Variants in SLC35F4 observed in about 807,000 individuals in gnomAD.
SLC35F4 encodes chromosome 14 open reading frame 36.
In SLC35F4, 24 loss-of-function variants were observed where a neutral mutation model predicts 44.2. That is an observed-to-expected ratio of 0.54 (90% CI 0.39 to 0.76). SLC35F4 has a LOEUF of 0.76. SLC35F4 is among the 30% of genes least tolerant of loss of function. The probability of loss-of-function intolerance (pLI) is 0.00; values close to 1 mark genes in which losing one functional copy is unlikely to be tolerated. For synonymous variants in SLC35F4, 238 were observed against 223.6 expected, an observed-to-expected ratio of 1.06 and a Z score of -0.57; for missense variants, 562 against 586.1, an observed-to-expected ratio of 0.96 and a Z score of 0.42.
rs146733379 is a variant in SLC35F4 at position 57,813,737 on chromosome 14, G to A, written c.103+51986C>T. Among the ~76,000 whole-genome samples the A allele has an allele frequency of 1.1e-4, 16 of 152,284 alleles. No homozygotes were observed. In the East Asian group the frequency reaches 2.9e-3, roughly 28 times the overall value. On this transcript the variant is annotated intron_variant, in intron 1 of 7. Transcript: ENST00000556826. ...CAAGTTGCACAGCATCAGTGGGTTT[G>A]ACAGAGCAGGACAGTCCAGAACAAT...
chr14:57,682,638 G>A (rs1170714830), intron 1 of SLC35F4, among the ~76,000 whole-genome samples: 3 of 148,400 alleles, frequency 2.0e-5, no homozygotes, highest in Non-Finnish European at 3.0e-5. Context: ...AAAGTATAAT[G>A]AAAAAAAAAA....
intron 1 of SLC35F4, among the ~76,000 whole-genome samples, chr14:57,929,643 G>T (rs1889654266): frequency 6.6e-6 from 1 of 152,088 alleles, no homozygotes; most frequent in African/African-American, 2.4e-5. Context: ...CTTAACCACG[G>T]TCATTACCAG....
At chr14:57,704,300 C>T (rs985997252) in intron 1 of SLC35F4, among the ~76,000 whole-genome samples, 8 of 152,122 alleles carry the variant, frequency 5.3e-5, no homozygotes, top group Non-Finnish European at 1.2e-4. Context: ...AGTTGGAAAG[C>T]TGGGGTTCTG....
chr14:57,575,462 C>T (rs894868263), intron 4 of SLC35F4, among the ~76,000 whole-genome samples: 1 of 151,800 alleles, frequency 6.6e-6, no homozygotes, highest in East Asian at 1.9e-4. Flanking sequence ...GCCTGGGCAA[C>T]AGAATTAGAC....
chr14:57,621,847 C>T (rs952996587), intron 1 of SLC35F4, among the ~76,000 whole-genome samples: 11 of 148,876 alleles, frequency 7.4e-5, no homozygotes, highest in Admixed American at 1.4e-4. Flanking sequence ...AGTTCCTGCA[C>T]AGCAAAAGAA....
At chr14:57,735,995 A>G (rs764848927) in intron 1 of SLC35F4, among the ~76,000 whole-genome samples, 3 of 152,168 alleles carry the variant, frequency 2.0e-5, no homozygotes, top group Non-Finnish European at 2.9e-5. Flanking sequence ...GATTACAGGC[A>G]CAAGTCACTG....
intron 1 of SLC35F4, among the ~76,000 whole-genome samples, chr14:57,836,541 T>G (rs913737103): frequency 6.6e-6 from 1 of 152,216 alleles, no homozygotes; most frequent in African/African-American, 2.4e-5. Flanking sequence ...TCCGCCTGCC[T>G]CAGCCTCCCA....
At chr14:57,938,987 G>A (rs995776360) in intron 1 of SLC35F4, among the ~76,000 whole-genome samples, 1 of 152,174 alleles carries the variant, frequency 6.6e-6, no homozygotes, top group Non-Finnish European at 1.5e-5. Context: ...ATTTGAAGAG[G>A]AAGGGGAAAG....
intron 1 of SLC35F4, among the ~76,000 whole-genome samples, chr14:57,674,543 A>C (rs1192385017): frequency 2.0e-5 from 3 of 152,164 alleles, no homozygotes; most frequent in African/African-American, 7.2e-5. Flanking sequence ...GAAAAGAATT[A>C]CTAGTGAATG....
chr14:57,919,744 G>C (rs1889405310), intron 1 of SLC35F4, among the ~76,000 whole-genome samples: 1 of 152,292 alleles, frequency 6.6e-6, no homozygotes, highest in Middle Eastern at 3.4e-3. Flanking sequence ...AAGGCCAATG[G>C]GAAGCCCAGG....
At chr14:57,784,872 TGAG>T (rs1262978527) in intron 1 of SLC35F4, among the ~76,000 whole-genome samples, 17 of 152,188 alleles carry the variant, frequency 1.1e-4, no homozygotes, top group Admixed American at 1.1e-3. Flanking sequence ...ATGAAGATGA[TGAG>T]GTTAAAGACC....
intron 1 of SLC35F4, among the ~76,000 whole-genome samples, chr14:57,635,245 CA>C (rs201670634): frequency 0.21 from 24,069 of 115,964 alleles, 1,852 homozygotes; most frequent in East Asian, 0.27. Flanking sequence ...GACTCTTACT[CA>C]AAAAAAAAAA....
intron 1 of SLC35F4, among the ~76,000 whole-genome samples, chr14:57,967,775 C>T (rs1220401323): frequency 3.9e-5 from 6 of 152,074 alleles, no homozygotes; most frequent in Non-Finnish European, 7.3e-5. Flanking sequence ...TACCATTGAC[C>T]TAAATTGAGA....
At chr14:57,874,426 T>G (rs1411813369) in intron 1 of SLC35F4, among the ~76,000 whole-genome samples, 1 of 152,024 alleles carries the variant, frequency 6.6e-6, no homozygotes. Context: ...CAAACAAAAG[T>G]TTTCATCAGA....
chr14:57,605,499 T>C (rs980289014), intron 1 of SLC35F4, among the ~76,000 whole-genome samples: 3 of 152,178 alleles, frequency 2.0e-5, no homozygotes, highest in Admixed American at 2.0e-4. Context: ...ACTTATATAC[T>C]GTTGGTGGGA....
At chr14:57,866,794 G>A (rs1219155108), upstream of SLC35F4, among the ~76,000 whole-genome samples, 6 of 151,998 alleles carry the variant, frequency 3.9e-5, no homozygotes, top group East Asian at 1.2e-3. Flanking sequence ...ACAGTCTAGA[G>A]CCTTTCCATT....
chr14:57,693,161 T>C (rs2075282604), intron 1 of SLC35F4, among the ~76,000 whole-genome samples: 1 of 152,240 alleles, frequency 6.6e-6, no homozygotes, highest in African/African-American at 2.4e-5. Context: ...TTTCTTTTTC[T>C]ATTCAATTCA....
intron 1 of SLC35F4, among the ~76,000 whole-genome samples, chr14:57,727,964 A>G (rs1184962986): frequency 6.6e-6 from 1 of 152,212 alleles, no homozygotes; most frequent in African/African-American, 2.4e-5. Flanking sequence ...AGATCTGTTC[A>G]GTGCTGAAGG....
rs566755413 is a variant in SLC35F4, at chr14:57,637,610, G to A, written c.104-43486C>T. Among the ~76,000 whole-genome samples, 3 of 152,238 alleles carry A rather than the reference G, an allele frequency of 2.0e-5. No individual in the cohort carries two copies. In the East Asian group the frequency reaches 5.8e-4, roughly 29 times the overall value. ...ACTAGAAGCAGGCTCAATCTTCCAG[G>A]CTAACTGAAGGAGGTACTAAAAGTT... On this transcript the variant is annotated intron_variant, in intron 1 of 7. Coordinates refer to ENST00000556826, the MANE Select transcript of SLC35F4 (RefSeq NM_001306087.2).
Sources: allele counts gnomAD v4.1 joint callset (sites outside exome capture counted in the v4.1 genomes callset), GRCh38; gene constraint gnomAD v4.1.1; transcripts MANE v1.5; gene names NCBI Gene and HGNC (gene_info 2026-07-23, HGNC 2026-07-21).